CRACR2A: variants seen among roughly 807,000 people sequenced by gnomAD.
The protein encoded by CRACR2A is EF-hand calcium-binding domain-containing protein 4B.
Under a neutral mutation model 90.5 loss-of-function variants are expected in CRACR2A, and 79 were observed. The ratio of observed to expected loss-of-function variants is 0.87; its 90% confidence interval spans 0.73 to 1.05. The LOEUF (loss-of-function observed/expected upper bound fraction) is 1.05, where lower values mean the gene tolerates loss of function less well. Ranked by LOEUF, CRACR2A falls within the 50% of genes least tolerant of loss-of-function variation. The pLI is 0.00. For missense variants in CRACR2A, 823 were observed against 897.2 expected (o/e 0.92, Z 1.06); for synonymous variants, 338 against 356.7 (o/e 0.95, Z 0.59).
chr12:3,713,188 G>A (rs1946031628), intron 3 of CRACR2A, 49 bp downstream of exon 3: 2 of 904,582 alleles, frequency 2.2e-6, no homozygotes, highest in African/African-American at 3.6e-5. Flanking sequence ...TCTGGGGTGG[G>A]GGCAGATCTA....
chr12:3,631,912 A>G (rs927532115), intron 15 of CRACR2A, among the ~76,000 whole-genome samples: 1 of 152,062 alleles, frequency 6.6e-6, no homozygotes, highest in Non-Finnish European at 1.5e-5. Flanking sequence ...AAGGTTGAAG[A>G]TGGTTGAGTC....
At chr12:3,623,339 C>T (rs1328057793) in intron 17 of CRACR2A, among the ~76,000 whole-genome samples, 2 of 152,180 alleles carry the variant, frequency 1.3e-5, no homozygotes, top group Non-Finnish European at 2.9e-5. Context: ...AATTCTATTT[C>T]ACTTCCTCGA....
chr12:3,664,739 GCT>G (rs1439071776), intron 7 of CRACR2A, among the ~76,000 whole-genome samples: 7 of 152,314 alleles, frequency 4.6e-5, no homozygotes, highest in Admixed American at 3.9e-4. Context: ...GGGCACAGTG[GCT>G]CACGCTTGTA....
chr12:3,742,577 C>T (rs889040792), intron 1 of CRACR2A, among the ~76,000 whole-genome samples: 11 of 152,328 alleles, frequency 7.2e-5, no homozygotes, highest in South Asian at 6.2e-4. Context: ...AGATTATGAA[C>T]TAGTCAGTGA....
chr12:3,689,161 C>G (rs1479690756), intron 4 of CRACR2A, among the ~76,000 whole-genome samples: 2 of 152,146 alleles, frequency 1.3e-5, no homozygotes, highest in Non-Finnish European at 2.9e-5. Context: ...GACTTCCTCT[C>G]TTCCTAAATG....
chr12:3,694,994 T>C (rs988108121), intron 4 of CRACR2A, among the ~76,000 whole-genome samples: 1 of 152,152 alleles, frequency 6.6e-6, no homozygotes, highest in Non-Finnish European at 1.5e-5. Context: ...CTGACTATAT[T>C]TCAAGTCAAA....
intron 7 of CRACR2A, among the ~76,000 whole-genome samples, chr12:3,665,400 C>G (rs550489449): frequency 6.6e-6 from 1 of 152,296 alleles, no homozygotes; most frequent in East Asian, 1.9e-4. Context: ...CTGACATTTA[C>G]AAACTTTCTG....
chr12:3,752,315 G>A (rs1002370807), intron 1 of CRACR2A, among the ~76,000 whole-genome samples: 1 of 151,270 alleles, frequency 6.6e-6, no homozygotes, highest in Non-Finnish European at 1.5e-5. Flanking sequence ...TGGGTGCACA[G>A]ACACACACTC....
chr12:3,655,131 G>A (rs560938685), intron 9 of CRACR2A, among the ~76,000 whole-genome samples: 4 of 152,260 alleles, frequency 2.6e-5, no homozygotes, highest in South Asian at 2.1e-4. Context: ...GAATATGGCC[G>A]GCAAGGGGAG....
At chr12:3,677,275 C>T (rs575793082) in intron 6 of CRACR2A, among the ~76,000 whole-genome samples, 1 of 152,346 alleles carries the variant, frequency 6.6e-6, no homozygotes, top group Non-Finnish European at 1.5e-5. Context: ...TATCTGAGGT[C>T]TCACAGCCGT....
Position 3,679,086 on chromosome 12 carries a change from A to C in CRACR2A, c.353T>G (p.Phe118Cys). 6.2e-7 allele frequency: 1 copy of C among 1,612,598 alleles called. No individual in the cohort carries two copies. Among genetic ancestry groups the C allele is most frequent in the Non-Finnish European group, 8.5e-7 (1 of 1,179,376 alleles). Residue 118 changes from phenylalanine to cysteine, a missense_variant, in exon 6 of 20, where the codon TTC becomes TGC. Phe to Cys is a radical substitution (Grantham distance 205, BLOSUM62 -2). Transcript: ENST00000440314. ...EFTTGFSHFF[F>C]SQNNPSQEDA... ...TTCCTGACTTGGGTTATTCTGGCTG[A>C]AGAAGAAGTGACCTGGGGGGTGCAG...
At chr12:3,704,102 A>G (rs1281917244) in intron 3 of CRACR2A, among the ~76,000 whole-genome samples, 1 of 152,250 alleles carries the variant, frequency 6.6e-6, no homozygotes, top group Non-Finnish European at 1.5e-5. Context: ...GTGTACATAC[A>G]AAGACTTGTA....
At chr12:3,738,373 A>G (rs533469469) in intron 1 of CRACR2A, among the ~76,000 whole-genome samples, 4 of 152,358 alleles carry the variant, frequency 2.6e-5, no homozygotes, top group Non-Finnish European at 4.4e-5. Flanking sequence ...AATGTATTCA[A>G]AGAAATTAAA....
intron 11 of CRACR2A, chr12:3,648,315 C>G: frequency 6.9e-7 from 1 of 1,449,234 alleles, no homozygotes; most frequent in South Asian, 1.5e-5. Flanking sequence ...CAGAGCCTCC[C>G]CACCAGGAGG....
intron 19 of CRACR2A, 88 bp from the exon 20 acceptor site, chr12:3,615,527 G>T: frequency 3.5e-6 from 4 of 1,128,128 alleles, no homozygotes; most frequent in African/African-American, 1.5e-5. Flanking sequence ...TCAGGTTACA[G>T]GTCATCTGGG....
intron 1 of CRACR2A, among the ~76,000 whole-genome samples, chr12:3,736,071 G>A (rs1322807222): frequency 1.3e-5 from 2 of 152,102 alleles, no homozygotes; most frequent in African/African-American, 4.8e-5. Flanking sequence ...GGTGAGGCAG[G>A]GAGGTGGCTT....
At chr12:3,709,098 G>A (rs1034393992) in intron 3 of CRACR2A, among the ~76,000 whole-genome samples, 16 of 152,162 alleles carry the variant, frequency 1.1e-4, no homozygotes, top group African/African-American at 3.9e-4. Flanking sequence ...AATCTAGCAG[G>A]GGACAACGTA....
chr12:3,750,724 C>T (rs1405768408), intron 1 of CRACR2A, among the ~76,000 whole-genome samples: 1 of 152,094 alleles, frequency 6.6e-6, no homozygotes, highest in Non-Finnish European at 1.5e-5. Flanking sequence ...CTGAGGAATC[C>T]CTCACTAGCT....
At chr12:3,623,516 C>T (rs951199216) in intron 17 of CRACR2A, among the ~76,000 whole-genome samples, 6 of 152,174 alleles carry the variant, frequency 3.9e-5, no homozygotes, top group South Asian at 2.1e-4. Flanking sequence ...TTTCTCTACC[C>T]GACACAGGCC....
Sources: allele counts gnomAD v4.1 joint callset (sites outside exome capture counted in the v4.1 genomes callset), GRCh38; gene constraint gnomAD v4.1.1; transcripts MANE v1.5; gene names NCBI Gene and HGNC (gene_info 2026-07-23, HGNC 2026-07-21).